CNTNAP5: variants seen among roughly 807,000 people sequenced by gnomAD.
CNTNAP5 encodes contactin associated protein family member 5.
Under a neutral mutation model 150.2 loss-of-function variants are expected in CNTNAP5, and 72 were observed. The ratio of observed to expected loss-of-function variants is 0.48; its 90% CI spans 0.40 to 0.58. CNTNAP5 has a LOEUF of 0.58. Ranked by LOEUF, CNTNAP5 falls within the 20% of genes least tolerant of loss-of-function variation. CNTNAP5 has a pLI of 0.00. For missense variants in CNTNAP5, 1,636 were observed against 1,626.2 expected, an observed-to-expected ratio of 1.01 and a Z score of -0.10; for synonymous variants, 672 against 619.8, an observed-to-expected ratio of 1.08 and a Z score of -1.25.
chr2:124,837,717 T>C (rs1450452401), intron 19 of CNTNAP5, among the ~76,000 whole-genome samples: 1 of 152,170 alleles, frequency 6.6e-6, no homozygotes, highest in East Asian at 1.9e-4. Context: ...CCTTTCTATA[T>C]AAACACGCTT....
At chr2:124,353,286 C>CAAA (rs565907115) in intron 3 of CNTNAP5, among the ~76,000 whole-genome samples, 12 of 88,250 alleles carry the variant, frequency 1.4e-4, no homozygotes, top group Admixed American at 4.0e-4. Flanking sequence ...AAAAACAGAC[C>CAAA]AAAAAAAAAA....
chr2:124,569,848 T>C (rs1696112477), intron 11 of CNTNAP5, among the ~76,000 whole-genome samples: 1 of 152,224 alleles, frequency 6.6e-6, no homozygotes, highest in African/African-American at 2.4e-5. Context: ...TCAGATGTTA[T>C]AGTAATCATT....
At chr2:124,653,900 C>A (rs563142007) in intron 13 of CNTNAP5, among the ~76,000 whole-genome samples, 9 of 131,012 alleles carry the variant, frequency 6.9e-5, no homozygotes, top group Non-Finnish European at 1.5e-4. Context: ...AACATGCCCC[C>A]ACTGCCCCCA....
At chr2:124,443,770 G>A (rs1692734056) in intron 5 of CNTNAP5, among the ~76,000 whole-genome samples, 1 of 151,236 alleles carries the variant, frequency 6.6e-6, no homozygotes, top group Admixed American at 6.6e-5. Flanking sequence ...CACAAAAACA[G>A]CACATAGAAC....
intron 4 of CNTNAP5, among the ~76,000 whole-genome samples, chr2:124,418,022 A>T (rs1199737644): frequency 1.3e-5 from 2 of 152,164 alleles, no homozygotes; most frequent in African/African-American, 4.8e-5. Context: ...AATTCACAAA[A>T]TGCTTTCTCC....
chr2:124,276,276 C>T (rs954481037), intron 3 of CNTNAP5, among the ~76,000 whole-genome samples: 3 of 152,124 alleles, frequency 2.0e-5, no homozygotes, highest in Non-Finnish European at 2.9e-5. Flanking sequence ...ACTAATATCC[C>T]ATGCCTAAGG....
intron 3 of CNTNAP5, among the ~76,000 whole-genome samples, chr2:124,368,308 T>A (rs1257306338): frequency 6.6e-6 from 1 of 152,200 alleles, no homozygotes; most frequent in African/African-American, 2.4e-5. Context: ...TCCATTCATC[T>A]GATTGACATA....
chr2:124,499,307 G>A (rs1380860755), intron 7 of CNTNAP5, among the ~76,000 whole-genome samples: 2 of 152,154 alleles, frequency 1.3e-5, no homozygotes, highest in African/African-American at 4.8e-5. Flanking sequence ...TTATTACAAG[G>A]CAGTATAAGA....
intron 19 of CNTNAP5, among the ~76,000 whole-genome samples, chr2:124,812,512 C>A (rs918786800): frequency 6.6e-6 from 1 of 152,090 alleles, no homozygotes; most frequent in Non-Finnish European, 1.5e-5. Flanking sequence ...AGTCAACTAG[C>A]ATTTGACATC....
In CNTNAP5 at chr2:124,213,522, C is replaced by T. The variant is rs147152594; in HGVS notation, c.83-8183C>T. Among the ~76,000 whole-genome samples the T allele has an allele frequency of 1.7e-4, 26 of 152,104 alleles. No homozygotes were observed. The East Asian group carries it at 3.5e-3, about 20-fold the overall frequency. On this transcript the variant is annotated intron_variant, in intron 1 of 23. Transcript: ENST00000682447. ...TTATGTAGTCTGAAATACTAAATAC[C>T]AGGGCAAAAAAAGAAATCTGTCCAG...
intron 1 of CNTNAP5, among the ~76,000 whole-genome samples, chr2:124,168,605 A>G (rs1356277128): frequency 6.6e-6 from 1 of 152,194 alleles, no homozygotes; most frequent in African/African-American, 2.4e-5. Context: ...CAAGAATCTC[A>G]TTTGGGGATT....
chr2:124,266,207 C>T (rs1392889017), intron 3 of CNTNAP5, among the ~76,000 whole-genome samples: 3 of 152,162 alleles, frequency 2.0e-5, no homozygotes, highest in Non-Finnish European at 4.4e-5. Context: ...CTTTTATCTA[C>T]AGACTTGGAT....
At chr2:124,678,725 A>T (rs1053807199) in intron 13 of CNTNAP5, among the ~76,000 whole-genome samples, 2 of 151,586 alleles carry the variant, frequency 1.3e-5, no homozygotes, top group Admixed American at 6.7e-5. Context: ...TCCTTCTCCA[A>T]CTCTCCTTGG....
intron 19 of CNTNAP5, among the ~76,000 whole-genome samples, chr2:124,836,310 A>C (rs773011419): frequency 3.9e-5 from 6 of 152,154 alleles, no homozygotes; most frequent in Non-Finnish European, 5.9e-5. Flanking sequence ...TATTAGTCAG[A>C]AGCTAATATG....
chr2:124,398,889 C>T (rs1573966957), intron 3 of CNTNAP5, among the ~76,000 whole-genome samples: 3 of 152,186 alleles, frequency 2.0e-5, no homozygotes, highest in Middle Eastern at 3.4e-3. Flanking sequence ...AGGAAGGACA[C>T]GATGAAGATG....
intron 3 of CNTNAP5, among the ~76,000 whole-genome samples, chr2:124,257,611 C>T (rs1167078725): frequency 6.6e-6 from 1 of 152,176 alleles, no homozygotes. Flanking sequence ...TCTCCTGATT[C>T]AATTACTTCA....
chr2:124,581,768 C>T (rs962362553), intron 11 of CNTNAP5, among the ~76,000 whole-genome samples: 3 of 152,122 alleles, frequency 2.0e-5, no homozygotes, highest in African/African-American at 7.2e-5. Flanking sequence ...AGGTGAAGCC[C>T]GTTGAGATCC....
chr2:124,196,614 T>A (rs1358785442), intron 1 of CNTNAP5, among the ~76,000 whole-genome samples: 1 of 152,198 alleles, frequency 6.6e-6, no homozygotes, highest in East Asian at 1.9e-4. Context: ...CCATGTGTTG[T>A]CTTGAACCCC....
chr2:124,812,787 A>C (rs565048214), intron 19 of CNTNAP5, among the ~76,000 whole-genome samples: 7 of 152,064 alleles, frequency 4.6e-5, no homozygotes, highest in African/African-American at 7.2e-5. Context: ...GATGTCCCAT[A>C]TCTCCCTAAA....
Sources: allele counts gnomAD v4.1 joint callset (sites outside exome capture counted in the v4.1 genomes callset), GRCh38; gene constraint gnomAD v4.1.1; transcripts MANE v1.5; gene names NCBI Gene and HGNC (gene_info 2026-07-23, HGNC 2026-07-21).